EPYC: variants seen among roughly 807,000 people sequenced by gnomAD.
The protein encoded by EPYC is dermatan sulfate proteoglycan 3.
In EPYC, 28 loss-of-function variants were observed where a neutral mutation model predicts 30.1. The observed-to-expected ratio is 0.93, with a 90% CI of 0.69 to 1.28. The LOEUF (loss-of-function observed/expected upper bound fraction) is 1.28. Among genes scored for constraint, EPYC ranks in the 50% most tolerant of loss-of-function variants. The pLI, the probability that EPYC is intolerant of heterozygous loss-of-function variation, is 0.00. For missense variants in EPYC, 382 were observed against 383.5 expected, an observed-to-expected ratio of 1.00 and a Z score of 0.03; for synonymous variants, 144 against 141.4, an observed-to-expected ratio of 1.02 and a Z score of -0.13.
chr12:90,981,398 G>T (rs1456093339), intron 2 of EPYC, among the ~76,000 whole-genome samples: 5 of 152,110 alleles, frequency 3.3e-5, no homozygotes, highest in African/African-American at 1.2e-4. Context: ...TATTGTATCA[G>T]ATTGAACTGG....
At chr12:91,003,088 G>GC (rs1877869832) in intron 1 of EPYC, among the ~76,000 whole-genome samples, 1 of 152,046 alleles carries the variant, frequency 6.6e-6, no homozygotes, top group Non-Finnish European at 1.5e-5. Context: ...TGTGGCTTAG[G>GC]CATTGGGGTT....
intron 2 of EPYC, among the ~76,000 whole-genome samples, chr12:90,981,962 C>T (rs557335351): frequency 4.6e-5 from 7 of 152,112 alleles, no homozygotes; most frequent in South Asian, 2.1e-4. Context: ...AAACCAGATT[C>T]GATTCCTACC....
intron 2 of EPYC, among the ~76,000 whole-genome samples, chr12:91,000,152 T>G (rs960711775): frequency 2.0e-5 from 3 of 152,066 alleles, no homozygotes; most frequent in Non-Finnish European, 4.4e-5. Flanking sequence ...CTAATATATT[T>G]CAGTCAACCA....
At chr12:90,987,440 G>T (rs1236444110) in intron 2 of EPYC, among the ~76,000 whole-genome samples, 1 of 151,336 alleles carries the variant, frequency 6.6e-6, no homozygotes. Flanking sequence ...GCCCCTCTCA[G>T]GTTTATTTCT....
intron 5 of EPYC, 92 bp downstream of exon 5, chr12:90,971,708 A>AAATT (rs1242680182): frequency 1.2e-4 from 51 of 430,624 alleles, no homozygotes; most frequent in African/African-American, 1.0e-3. Flanking sequence ...ATAAATAAAT[A>AAATT]AATTTATTTT....
chr12:90,971,181 C>T (rs1877034041), intron 5 of EPYC, among the ~76,000 whole-genome samples: 1 of 152,104 alleles, frequency 6.6e-6, no homozygotes, highest in Non-Finnish European at 1.5e-5. Context: ...TGGCTTGTAC[C>T]ACTTCCAGGT....
chr12:90,973,167 G>A (rs11105890), intron 3 of EPYC, among the ~76,000 whole-genome samples, 187 bp from the exon 4 acceptor site: 10,215 of 151,834 alleles, frequency 0.067, 585 homozygotes, highest in South Asian at 0.2. Context: ...TCAACAATTA[G>A]TATATTCAAT....
intron 2 of EPYC, among the ~76,000 whole-genome samples, chr12:90,979,732 G>T (rs1877279266): frequency 6.6e-6 from 1 of 152,086 alleles, no homozygotes; most frequent in Admixed American, 6.6e-5. Flanking sequence ...GGATGGTAAA[G>T]TATGTCATGT....
At chr12:90,999,186 T>A (rs1238220000) in intron 2 of EPYC, among the ~76,000 whole-genome samples, 1 of 151,962 alleles carries the variant, frequency 6.6e-6, no homozygotes, top group Non-Finnish European at 1.5e-5. Context: ...TATCCCCAAA[T>A]ACCCATGATA....
intron 2 of EPYC, among the ~76,000 whole-genome samples, chr12:90,998,413 A>G (rs1423874725): frequency 6.6e-6 from 1 of 152,140 alleles, no homozygotes; most frequent in Non-Finnish European, 1.5e-5. Context: ...ACAATGGATC[A>G]TAGATATTCT....
At chr12:90,997,331 C>T (rs1459089356) in intron 2 of EPYC, among the ~76,000 whole-genome samples, 1 of 109,330 alleles carries the variant, frequency 9.1e-6, no homozygotes, top group Non-Finnish European at 2.1e-5. Context: ...GTTTATTAAT[C>T]TGGATGAAGC....
rs761772258 is a variant in EPYC at position 90,970,097 on chromosome 12, A to G, written c.745T>C (p.Leu249=). ...GGGAGTGGCAGAGGGATGTGGTCCAAGTTGTTATCAGTGAGGTACAGATGA... is the reference window on the plus strand; with the variant it reads ...GGGAGTGGCAGAGGGATGTGGTCCAGGTTGTTATCAGTGAGGTACAGATGA... The part of the protein sequence containing the change: ...LHHLYLTDNN[L]DHIPLPLPEN... The change falls in exon 6 of 7, where the codon TTG becomes CTG. Residue 249 remains leucine (L), a synonymous_variant. Transcript: ENST00000261172. The G allele has an allele frequency of 6.2e-7, 1 of 1,614,040 alleles. No homozygotes were observed. The highest frequency in any genetic ancestry group is 2.2e-5 in the East Asian group (1 of 44,874).
chr12:90,993,095 C>T (rs543982010), intron 2 of EPYC, among the ~76,000 whole-genome samples: 2 of 152,166 alleles, frequency 1.3e-5, no homozygotes, highest in Non-Finnish European at 2.9e-5. Flanking sequence ...AATCAAATCT[C>T]TTCTTAGATC....
intron 6 of EPYC, among the ~76,000 whole-genome samples, chr12:90,969,758 G>GC (rs1555214740): frequency 6.6e-6 from 1 of 151,352 alleles, no homozygotes; most frequent in Non-Finnish European, 1.5e-5. Context: ...ACTTTCAGTG[G>GC]TTTTTTTTCT....
At chr12:91,001,342 T>C (rs1392098382) in intron 2 of EPYC, among the ~76,000 whole-genome samples, 2 of 152,112 alleles carry the variant, frequency 1.3e-5, no homozygotes, top group Non-Finnish European at 2.9e-5. Flanking sequence ...AAAGTAGTTA[T>C]TCTAAGAAGA....
chr12:90,981,449 A>G (rs1470061259), intron 2 of EPYC, among the ~76,000 whole-genome samples: 4 of 152,220 alleles, frequency 2.6e-5, no homozygotes, highest in Non-Finnish European at 5.9e-5. Flanking sequence ...TAAAAATATG[A>G]CAAAAGATTT....
At chr12:90,990,509 A>C (rs1877557627) in intron 2 of EPYC, among the ~76,000 whole-genome samples, 1 of 152,162 alleles carries the variant, frequency 6.6e-6, no homozygotes, top group Non-Finnish European at 1.5e-5. Flanking sequence ...TGCAAATTTT[A>C]CTAACTTAGA....
intron 5 of EPYC, among the ~76,000 whole-genome samples, 173 bp downstream of exon 5, chr12:90,971,627 C>T (rs1416984834): frequency 2.0e-5 from 3 of 151,256 alleles, no homozygotes; most frequent in Non-Finnish European, 4.4e-5. Context: ...GGGCTGTGAT[C>T]GCACCACTGC....
chr12:90,983,541 G>A (rs186438492), intron 2 of EPYC, among the ~76,000 whole-genome samples: 8 of 152,106 alleles, frequency 5.3e-5, no homozygotes, highest in South Asian at 2.1e-4. Flanking sequence ...TTATACTTCC[G>A]GGCTGAGCTG....
Sources: allele counts gnomAD v4.1 joint callset (sites outside exome capture counted in the v4.1 genomes callset), GRCh38; gene constraint gnomAD v4.1.1; transcripts MANE v1.5; gene names NCBI Gene and HGNC (gene_info 2026-07-23, HGNC 2026-07-21).